PIP5K1B: variants seen among roughly 807,000 people sequenced by gnomAD.
The protein encoded by PIP5K1B is phosphatidylinositol-4-phosphate 5-kinase type 1 beta.
PIP5K1B carries 42 observed loss-of-function variants against 67.0 expected under a neutral mutation model. That is an observed-to-expected ratio of 0.63 (90% CI 0.49 to 0.81). PIP5K1B has a LOEUF of 0.81. Ranked by LOEUF, PIP5K1B falls within the 30% of genes least tolerant of loss-of-function variation. The pLI, the probability that PIP5K1B is intolerant of heterozygous loss-of-function variation, is 0.00. For missense variants in PIP5K1B, 459 were observed against 646.3 expected, an observed-to-expected ratio of 0.71 and a Z score of 3.14; for synonymous variants, 214 against 231.4, an observed-to-expected ratio of 0.92 and a Z score of 0.68.
chr9:68,740,492 T>A (rs1828951909), intron 1 of PIP5K1B, among the ~76,000 whole-genome samples: 1 of 152,190 alleles, frequency 6.6e-6, no homozygotes, highest in Non-Finnish European at 1.5e-5. Context: ...TTCTCCATAA[T>A]CACAGAGATA....
chr9:68,817,141 A>G (rs1833485770), intron 2 of PIP5K1B, among the ~76,000 whole-genome samples: 1 of 152,242 alleles, frequency 6.6e-6, no homozygotes, highest in African/African-American at 2.4e-5. Context: ...AACCTGTGAA[A>G]AGAATCAGCC....
chr9:68,940,339 A>G (rs1412086790), intron 13 of PIP5K1B, among the ~76,000 whole-genome samples: 1 of 152,178 alleles, frequency 6.6e-6, no homozygotes, highest in Non-Finnish European at 1.5e-5. Flanking sequence ...TTTAACTCCT[A>G]TGAGTTTTTT....
chr9:68,789,390 A>C (rs971671895), intron 2 of PIP5K1B: 3 of 417,514 alleles, frequency 7.2e-6, no homozygotes, highest in African/African-American at 6.2e-5. Flanking sequence ...AACAGACTCC[A>C]ACATAGTCCT....
chr9:68,884,347 T>A (rs934281551), intron 6 of PIP5K1B, among the ~76,000 whole-genome samples: 1 of 140,184 alleles, frequency 7.1e-6, no homozygotes, highest in South Asian at 2.2e-4. Context: ...GACCTAACTA[T>A]ACATTCCTCA....
At chr9:68,998,307 G>A (rs373835807) in intron 15 of PIP5K1B, among the ~76,000 whole-genome samples, 33 of 152,092 alleles carry the variant, frequency 2.2e-4, no homozygotes, top group African/African-American at 7.5e-4. Flanking sequence ...CGCCCACCTC[G>A]GCCTCCCAAA....
At chr9:68,824,219 GGT>G (rs1833872208) in intron 4 of PIP5K1B, 1 of 518,672 alleles carries the variant, frequency 1.9e-6, no homozygotes, top group Non-Finnish European at 3.8e-6. Context: ...AGTTTCAGGT[GGT>G]ATTCTCAATC....
chr9:68,852,848 A>AATG (rs1822560908), intron 4 of PIP5K1B, among the ~76,000 whole-genome samples: 2 of 152,188 alleles, frequency 1.3e-5, no homozygotes, highest in Admixed American at 1.3e-4. Flanking sequence ...AGAGACACTC[A>AATG]CTGTGGACTA....
chr9:68,736,403 T>C (rs1270128471), intron 1 of PIP5K1B, among the ~76,000 whole-genome samples: 1 of 152,228 alleles, frequency 6.6e-6, no homozygotes, highest in Non-Finnish European at 1.5e-5. Context: ...TTTCTGTTGC[T>C]CTGTAGTCCT....
intron 2 of PIP5K1B, chr9:68,784,158 G>A (rs995796007): frequency 6.0e-6 from 1 of 167,084 alleles, no homozygotes; most frequent in African/African-American, 2.4e-5. Context: ...GACAATTTAC[G>A]TTATCATAGT....
intron 14 of PIP5K1B, among the ~76,000 whole-genome samples, chr9:68,947,714 A>G (rs1827867815): frequency 6.6e-6 from 1 of 152,270 alleles, no homozygotes; most frequent in Non-Finnish European, 1.5e-5. Flanking sequence ...TTGTAATAGT[A>G]CTATGTAAAG....
chr9:68,831,290 A>G lies in PIP5K1B; in HGVS notation c.69+8607A>G, dbSNP rs564743021. ...CCAATCAAAAGCAATTTTAAAAGCA[A>G]TGCTAATAATAGAGTTAACATAAGT... On this transcript the variant is annotated intron_variant, in intron 4 of 15. Transcript: ENST00000265382. 3.3e-5 allele frequency among the ~76,000 whole-genome samples: 5 copies of G among 152,380 alleles called. No homozygotes were observed. The East Asian group carries it at 7.7e-4, about 23-fold the overall frequency.
chr9:68,935,167 T>C (rs1827187459), intron 13 of PIP5K1B, 122 bp downstream of exon 13: 1 of 865,728 alleles, frequency 1.2e-6, no homozygotes, highest in South Asian at 1.7e-5. Context: ...AATTAAGTTT[T>C]TAAAGGATAG....
At position 68,975,219 on chromosome 9, in the gene PIP5K1B, C is replaced by T. The variant is rs534811281; in HGVS notation, c.1503-15921C>T. Among the ~76,000 whole-genome samples, 17 of 152,234 alleles carry T rather than the reference C, an allele frequency of 1.1e-4. No individual in the cohort carries two copies. In the South Asian group the frequency reaches 3.5e-3, roughly 32 times the overall value. The stretch of plus-strand genomic sequence containing the variant: ...AAGTGGCTGGGACTATAGGTGTGTG[C>T]CAGCATGCCCAGCTAATGTTTATAT... On this transcript the variant is annotated intron_variant, in intron 14 of 15. Transcript: ENST00000265382.
chr9:68,963,504 G>A (rs1587727834), intron 14 of PIP5K1B, among the ~76,000 whole-genome samples: 7 of 144,018 alleles, frequency 4.9e-5, no homozygotes, highest in African/African-American at 7.7e-5. Flanking sequence ...CTCTGTCTCA[G>A]AAAAAAAAAA....
At chr9:68,844,026 C>T (rs543679056) in intron 4 of PIP5K1B, among the ~76,000 whole-genome samples, 4 of 152,236 alleles carry the variant, frequency 2.6e-5, no homozygotes, top group Admixed American at 6.5e-5. Context: ...TTTTGTGCAA[C>T]GGACTCAAGA....
chr9:68,723,695 G>GTTTTTTTTTTTT lies in PIP5K1B; in HGVS notation c.-243+17944_-243+17955dup, dbSNP rs36021674. ...GCCCATTTTTTAATTGAAGTATTTGGTTTTTTTTTTTTTTTTTTTTTTGCT... is the reference window on the plus strand; with the variant it reads ...GCCCATTTTTTAATTGAAGTATTTGGTTTTTTTTTTTTTTTTTTTTTTTTTTTTTTTTTTGCT... On this transcript the variant is annotated intron_variant, in intron 1 of 15. Coordinates refer to ENST00000265382, the MANE Select transcript of PIP5K1B (RefSeq NM_003558.4). Among the ~76,000 whole-genome samples the GTTTTTTTTTTTT allele has an allele frequency of 2.1e-3, 104 of 50,092 alleles. 2 individuals carry two copies. The highest frequency in any genetic ancestry group is 2.5e-3 in the Non-Finnish European group (69 of 27,718). 32.9% of individuals were successfully genotyped at this position (50,092 alleles called of 152,430 possible). A position where few individuals can be genotyped will look rare whatever the true frequency, so the allele number is the denominator to read the frequency against.
rs547607321 is a variant in PIP5K1B, at chr9:68,720,998, C to T, written c.-243+15236C>T. On this transcript the variant is annotated intron_variant, in intron 1 of 15. Transcript: ENST00000265382. ...CTCTTACTTTATACCAGGCATAACA[C>T]GTATGAAGCATGACATCATGAAGCT... is the stretch of plus-strand genomic sequence containing the variant. Among the ~76,000 whole-genome samples the T allele has an allele frequency of 7.9e-5, 12 of 152,288 alleles. 1 individual carries two copies. The highest frequency in any genetic ancestry group is 4.1e-4 in the South Asian group (2 of 4,828).
At chr9:68,805,263 T>A (rs1320513944) in intron 2 of PIP5K1B, among the ~76,000 whole-genome samples, 3 of 152,018 alleles carry the variant, frequency 2.0e-5, no homozygotes, top group Non-Finnish European at 2.9e-5. Context: ...GTGGGAAGAA[T>A]GGTGGAGGAG....
chr9:68,927,884 T>C (rs1285772449), intron 12 of PIP5K1B, among the ~76,000 whole-genome samples: 2 of 152,184 alleles, frequency 1.3e-5, no homozygotes, highest in African/African-American at 4.8e-5. Context: ...TAGTCTTAGC[T>C]CTTACATTTA....
Sources: allele counts gnomAD v4.1 joint callset (sites outside exome capture counted in the v4.1 genomes callset), GRCh38; gene constraint gnomAD v4.1.1; transcripts MANE v1.5; gene names NCBI Gene and HGNC (gene_info 2026-07-23, HGNC 2026-07-21).